MYO5B: variants seen among roughly 807,000 people sequenced by gnomAD.
MYO5B encodes myosin VB.
Under a neutral mutation model 229.3 loss-of-function variants are expected in MYO5B, and 143 were observed. The ratio of observed to expected loss-of-function variants is 0.62; its 90% CI spans 0.54 to 0.72. MYO5B has a LOEUF of 0.72. Ranked by LOEUF, MYO5B falls within the 30% of genes least tolerant of loss-of-function variation. The pLI is 0.00. For missense variants in MYO5B, 2,321 were observed against 2,331.0 expected, an observed-to-expected ratio of 1.00 and a Z score of 0.09; for synonymous variants, 918 against 885.2, an observed-to-expected ratio of 1.04 and a Z score of -0.66.
intron 19 of MYO5B, among the ~76,000 whole-genome samples, chr18:49,905,648 T>G (rs892717371): frequency 6.6e-6 from 1 of 152,218 alleles, no homozygotes; most frequent in African/African-American, 2.4e-5. Flanking sequence ...CAAGACTTTG[T>G]GGCGATTATT....
At chr18:50,112,362 T>C (rs1286757465) in intron 1 of MYO5B, among the ~76,000 whole-genome samples, 2 of 152,100 alleles carry the variant, frequency 1.3e-5, no homozygotes, top group African/African-American at 2.4e-5. Flanking sequence ...GAATCCTCCG[T>C]ACCCAACAAT....
At position 50,009,244 on chromosome 18, in the gene MYO5B, G is replaced by C. The variant is rs921279415; in HGVS notation, c.456-7833C>G. Among the ~76,000 whole-genome samples the C allele has an allele frequency of 5.9e-5, 9 of 152,134 alleles. No individual in the cohort carries two copies. The East Asian group carries it at 1.5e-3, about 26-fold the overall frequency. ...AATACAAAAATTAGCTGGGTGTGGTGGTGGGTGCTTGTAATCCCAGCTACT... is the reference window on the plus strand; with the variant it reads ...AATACAAAAATTAGCTGGGTGTGGTCGTGGGTGCTTGTAATCCCAGCTACT... On this transcript the variant is annotated intron_variant, in intron 4 of 39. Transcript: ENST00000285039.
chr18:49,852,421 AAGAGAGGGAG>A (rs542493135), intron 31 of MYO5B, among the ~76,000 whole-genome samples: 1 of 152,318 alleles, frequency 6.6e-6, no homozygotes, highest in East Asian at 1.9e-4. Flanking sequence ...CTTGCAGACA[AAGAGAGGGAG>A]AGAGAGGGAG....
At chr18:50,084,428 C>T (rs1166782019) in intron 1 of MYO5B, among the ~76,000 whole-genome samples, 1 of 152,178 alleles carries the variant, frequency 6.6e-6, no homozygotes, top group Non-Finnish European at 1.5e-5. Context: ...ACTCTCAGGG[C>T]AGGAAAACTC....
At chr18:50,084,180 A>G (rs938224472) in intron 1 of MYO5B, among the ~76,000 whole-genome samples, 1 of 152,094 alleles carries the variant, frequency 6.6e-6, no homozygotes, top group African/African-American at 2.4e-5. Flanking sequence ...TGAAAAGAAG[A>G]CTCTGTGCTC....
intron 7 of MYO5B, among the ~76,000 whole-genome samples, chr18:49,986,992 T>A (rs1010610404): frequency 1.3e-5 from 2 of 152,180 alleles, no homozygotes; most frequent in Admixed American, 6.5e-5. Flanking sequence ...GCCAAACACA[T>A]CAGAAAGAGT....
chr18:50,069,804 T>G (rs1198670627), intron 1 of MYO5B, among the ~76,000 whole-genome samples: 2 of 152,184 alleles, frequency 1.3e-5, no homozygotes, highest in Non-Finnish European at 2.9e-5. Context: ...CAGCCAGTGC[T>G]CTTTCTACTT....
chr18:49,906,820 C>A (rs981577002), intron 18 of MYO5B, among the ~76,000 whole-genome samples, 190 bp from the exon 19 acceptor site: 2 of 152,170 alleles, frequency 1.3e-5, no homozygotes, highest in African/African-American at 4.8e-5. Context: ...GACTCTAGAA[C>A]ATGGCAGTGA....
At chr18:49,842,649 C>A (rs2024072970) in intron 34 of MYO5B, among the ~76,000 whole-genome samples, 1 of 152,240 alleles carries the variant, frequency 6.6e-6, no homozygotes, top group African/African-American at 2.4e-5. Flanking sequence ...ACCCTCCCTG[C>A]AGGCCAGCCT....
At chr18:49,860,512 T>C (rs1282671782) in intron 29 of MYO5B, among the ~76,000 whole-genome samples, 1 of 152,140 alleles carries the variant, frequency 6.6e-6, no homozygotes, top group Non-Finnish European at 1.5e-5. Context: ...TTCCTGCAGC[T>C]CCTCTCAGAG....
At chr18:50,002,210 AT>A (rs925928823) in intron 4 of MYO5B, among the ~76,000 whole-genome samples, 5 of 151,772 alleles carry the variant, frequency 3.3e-5, no homozygotes, top group East Asian at 1.9e-4. Flanking sequence ...AGTTTTGAAC[AT>A]TTTTTTTCAT....
At chr18:50,028,240 G>A (rs1224568846) in intron 4 of MYO5B, among the ~76,000 whole-genome samples, 1 of 152,160 alleles carries the variant, frequency 6.6e-6, no homozygotes, top group East Asian at 1.9e-4. Context: ...GTGTGCATGT[G>A]GGTGGGGCAG....
intron 1 of MYO5B, among the ~76,000 whole-genome samples, chr18:50,118,351 G>A (rs2032000284): frequency 2.6e-5 from 4 of 152,196 alleles, no homozygotes; most frequent in Non-Finnish European, 5.9e-5. Context: ...GTTGCAGAAA[G>A]AGGTTGTCAC....
At chr18:50,052,471 C>G (rs889414482) in intron 2 of MYO5B, among the ~76,000 whole-genome samples, 2 of 147,340 alleles carry the variant, frequency 1.4e-5, no homozygotes, top group South Asian at 4.4e-4. Context: ...AACCAAACAC[C>G]GCATGTTCTC....
intron 16 of MYO5B, among the ~76,000 whole-genome samples, chr18:49,932,058 T>A (rs1338888091): frequency 6.6e-6 from 1 of 152,202 alleles, no homozygotes; most frequent in African/African-American, 2.4e-5. Flanking sequence ...GGAGGTCCCT[T>A]CTTCTTCCAG....
rs538440820 is a variant in MYO5B, at chr18:49,990,509, C to T, written c.768G>A (p.Glu256=). 6.2e-7 allele frequency: 1 copy of T among 1,613,694 alleles called. No homozygotes were observed. Among genetic ancestry groups the T allele is most frequent in the East Asian group, 2.2e-5 (1 of 44,848 alleles). Residue 256 remains glutamate (E), a synonymous_variant, in exon 7 of 40, where the codon GAG becomes GAA. Transcript: ENST00000285039. ...KSRVVFQADD[E]RNYHIFYQLC... is the part of the protein sequence containing the mutation. Reference sequence around the variant, plus strand: ...GCTGGTAAAAGATGTGGTAATTCCTCTCATCATCTGCCTGGAGGAGGAAGA... The same window carrying T: ...GCTGGTAAAAGATGTGGTAATTCCTTTCATCATCTGCCTGGAGGAGGAAGA...
intron 21 of MYO5B, among the ~76,000 whole-genome samples, chr18:49,897,196 G>A (rs932667200): frequency 1.3e-4 from 20 of 152,162 alleles, no homozygotes; most frequent in Admixed American, 3.9e-4. Context: ...GGCCCCAGAA[G>A]GCTCGTCCTT....
At chr18:50,035,228 G>A (rs1212086175) in intron 4 of MYO5B, among the ~76,000 whole-genome samples, 1 of 151,896 alleles carries the variant, frequency 6.6e-6, no homozygotes, top group Non-Finnish European at 1.5e-5. Flanking sequence ...TCCACAAGCA[G>A]CTTTGATGAA....
At chr18:49,996,758 G>A (rs2025991877) in intron 5 of MYO5B, among the ~76,000 whole-genome samples, 1 of 152,230 alleles carries the variant, frequency 6.6e-6, no homozygotes, top group African/African-American at 2.4e-5. Context: ...GAAAATTGAA[G>A]TGGATCTTAA....
Sources: allele counts gnomAD v4.1 joint callset (sites outside exome capture counted in the v4.1 genomes callset), GRCh38; gene constraint gnomAD v4.1.1; transcripts MANE v1.5; gene names NCBI Gene and HGNC (gene_info 2026-07-23, HGNC 2026-07-21).